Variants in NETO1 observed in about 807,000 individuals in gnomAD.
The protein encoded by NETO1 is neuropilin and tolloid like 1.
NETO1 carries 26 observed loss-of-function variants against 61.3 expected under a neutral mutation model. That is an observed-to-expected ratio of 0.42 (90% confidence interval 0.31 to 0.59). The LOEUF (loss-of-function observed/expected upper bound fraction) is 0.59, where lower values mean the gene tolerates loss of function less well. Among genes scored for constraint, NETO1 ranks in the 20% least tolerant of loss-of-function variants. The probability of loss-of-function intolerance (pLI) is 0.12; values close to 1 mark genes in which losing one functional copy is unlikely to be tolerated. For missense variants in NETO1, 531 were observed against 662.8 expected, an observed-to-expected ratio of 0.80 and a Z score of 2.18; for synonymous variants, 225 against 225.8, an observed-to-expected ratio of 1.00 and a Z score of 0.03.
chr18:72,759,368 T>C (rs947152607), intron 7 of NETO1, among the ~76,000 whole-genome samples: 4 of 152,140 alleles, frequency 2.6e-5, no homozygotes, highest in South Asian at 2.1e-4. Flanking sequence ...TTTAAGAGTA[T>C]ATTTTATCAT....
intron 3 of NETO1, among the ~76,000 whole-genome samples, chr18:72,862,731 C>A (rs929357152): frequency 6.6e-6 from 1 of 151,880 alleles, no homozygotes; most frequent in Non-Finnish European, 1.5e-5. Flanking sequence ...CGCCATTCTC[C>A]TGCCTCAGCC....
intron 6 of NETO1, among the ~76,000 whole-genome samples, chr18:72,789,713 A>AT (rs1234269660): frequency 6.6e-6 from 1 of 152,068 alleles, no homozygotes; most frequent in Non-Finnish European, 1.5e-5. Context: ...CAAGGTCTGT[A>AT]TTTTCTTGAG....
At chr18:72,768,233 T>C (rs1167334342) in intron 7 of NETO1, among the ~76,000 whole-genome samples, 1 of 152,164 alleles carries the variant, frequency 6.6e-6, no homozygotes, top group African/African-American at 2.4e-5. Context: ...TTAGGACAGA[T>C]TAACTTTTTT....
intron 4 of NETO1, among the ~76,000 whole-genome samples, chr18:72,837,851 G>A (rs546129441): frequency 3.9e-5 from 6 of 152,230 alleles, no homozygotes; most frequent in Admixed American, 6.5e-5. Flanking sequence ...GTAAAGCTGC[G>A]TAAGAGCCAA....
chr18:72,773,607 TAGTG>T (rs1197357178), intron 7 of NETO1, among the ~76,000 whole-genome samples: 1 of 152,054 alleles, frequency 6.6e-6, no homozygotes, highest in Non-Finnish European at 1.5e-5. Context: ...GTTCTCACGA[TAGTG>T]AGTGAGTTCT....
intron 4 of NETO1, 112 bp from the exon 5 acceptor site, chr18:72,794,516 G>A: frequency 9.8e-7 from 1 of 1,017,056 alleles, no homozygotes; most frequent in Non-Finnish European, 1.5e-6. Context: ...AACACATTAG[G>A]GAAAAGTAAA....
intron 4 of NETO1, among the ~76,000 whole-genome samples, chr18:72,838,698 T>C (rs1373833872): frequency 6.6e-6 from 1 of 152,228 alleles, no homozygotes; most frequent in Non-Finnish European, 1.5e-5. Flanking sequence ...CTGGTTCTCT[T>C]AGAGAATCCC....
chr18:72,846,148 T>C (rs1429549057), intron 4 of NETO1, among the ~76,000 whole-genome samples: 1 of 151,540 alleles, frequency 6.6e-6, no homozygotes, highest in African/African-American at 2.4e-5. Context: ...GATACAATGT[T>C]GATTCAGAGC....
intron 4 of NETO1, among the ~76,000 whole-genome samples, chr18:72,842,558 A>G (rs2073967952): frequency 6.6e-6 from 1 of 152,200 alleles, no homozygotes; most frequent in South Asian, 2.1e-4. Flanking sequence ...AGATGTTAAG[A>G]GCATAAAGCA....
chr18:72,815,684 C>G (rs990948763), intron 4 of NETO1, among the ~76,000 whole-genome samples: 1 of 152,160 alleles, frequency 6.6e-6, no homozygotes, highest in Non-Finnish European at 1.5e-5. Context: ...ACAATGAAAA[C>G]TCCTGTCCGC....
chr18:72,808,867 G>A (rs1321865543), intron 4 of NETO1, among the ~76,000 whole-genome samples: 2 of 152,248 alleles, frequency 1.3e-5, no homozygotes, highest in African/African-American at 4.8e-5. Flanking sequence ...CACATGGCAA[G>A]TGGAGGATCC....
chr18:72,763,968 G>A (rs1599116600), intron 7 of NETO1, among the ~76,000 whole-genome samples: 1 of 152,248 alleles, frequency 6.6e-6, no homozygotes, highest in South Asian at 2.1e-4. Flanking sequence ...GCAGGAGAGA[G>A]AAGTGACAAT....
rs957494735 is a variant in NETO1 at position 72,815,243 on chromosome 18, G to T, written c.470-20839C>A. On this transcript the variant is annotated intron_variant, in intron 4 of 10. Transcript: ENST00000327305. ...ATAGTATTTAGAAGACAACAAAAAA[G>T]AATCGCTTTATGATTTCTATAAGGG... Among the ~76,000 whole-genome samples, 8 of 152,124 alleles carry T rather than the reference G, an allele frequency of 5.3e-5. No homozygotes were observed. In the South Asian group the frequency reaches 1.7e-3, roughly 32 times the overall value.
intron 7 of NETO1, among the ~76,000 whole-genome samples, chr18:72,764,273 A>G (rs889074912): frequency 2.0e-5 from 3 of 152,176 alleles, no homozygotes; most frequent in Non-Finnish European, 2.9e-5. Context: ...GGGATGGTCT[A>G]GAATCTATTA....
intron 4 of NETO1, among the ~76,000 whole-genome samples, chr18:72,852,833 C>CT (rs71166431): frequency 0.43 from 56,236 of 132,212 alleles, 12,469 homozygotes; most frequent in South Asian, 0.51. Flanking sequence ...TTTTCTTTTT[C>CT]TTTTTTTTTT....
chr18:72,796,712 C>T (rs2072325104), intron 4 of NETO1, among the ~76,000 whole-genome samples: 1 of 152,180 alleles, frequency 6.6e-6, no homozygotes. Context: ...GATCCGTCCT[C>T]CTTGGCCTCC....
At chr18:72,781,988 C>T (rs2071757672) in intron 7 of NETO1, among the ~76,000 whole-genome samples, 1 of 152,130 alleles carries the variant, frequency 6.6e-6, no homozygotes, top group Non-Finnish European at 1.5e-5. Context: ...CTATGGTCCT[C>T]ACCCTTTTCC....
chr18:72,768,867 A>G (rs1003765096), intron 7 of NETO1, among the ~76,000 whole-genome samples: 1 of 152,098 alleles, frequency 6.6e-6, no homozygotes, highest in African/African-American at 2.4e-5. Context: ...AGGAATCCGC[A>G]CTCCAGAAGT....
intron 4 of NETO1, among the ~76,000 whole-genome samples, chr18:72,815,942 G>A (rs2073018560): frequency 6.6e-6 from 1 of 152,166 alleles, no homozygotes; most frequent in South Asian, 2.1e-4. Flanking sequence ...GTACTCAACA[G>A]AATGTTGAAA....
Sources: gnomAD v4.1 joint callset for allele counts (sites outside exome capture counted in the v4.1 genomes callset) on GRCh38, gnomAD v4.1.1 for gene constraint, MANE v1.5 for transcripts, NCBI Gene and HGNC (gene_info 2026-07-23, HGNC 2026-07-21) for gene names.